PPIP5K2: variants seen among roughly 807,000 people sequenced by gnomAD.
PPIP5K2 encodes the protein inositol hexakisphosphate and diphosphoinositol-pentakisphosphate kinase 2.
Under a neutral mutation model 154.6 loss-of-function variants are expected in PPIP5K2, and 105 were observed. That is an observed-to-expected ratio of 0.68 (90% CI 0.58 to 0.80). The LOEUF (loss-of-function observed/expected upper bound fraction) is 0.80, where lower values mean the gene tolerates loss of function less well. PPIP5K2 is among the 30% of genes least tolerant of loss of function. The probability of loss-of-function intolerance (pLI) is 0.00; values close to 1 mark genes in which losing one functional copy is unlikely to be tolerated. For synonymous variants in PPIP5K2, 480 were observed against 490.3 expected, an observed-to-expected ratio of 0.98 and a Z score of 0.28; for missense variants, 992 against 1,504.6, an observed-to-expected ratio of 0.66 and a Z score of 5.64.
chr5:103,125,540 A>G (rs1554200456), intron 1 of PPIP5K2, among the ~76,000 whole-genome samples: 1 of 151,484 alleles, frequency 6.6e-6, no homozygotes, highest in African/African-American at 2.4e-5. Context: ...GGCTTCCTTC[A>G]CTTTATGTCC....
intron 1 of PPIP5K2, among the ~76,000 whole-genome samples, chr5:103,127,976 A>C (rs1162509905): frequency 6.6e-6 from 1 of 152,118 alleles, no homozygotes; most frequent in Non-Finnish European, 1.5e-5. Context: ...TTTACATGTT[A>C]AACAGTACAG....
intron 5 of PPIP5K2, among the ~76,000 whole-genome samples, chr5:103,144,289 C>CA (rs1444529202): frequency 6.6e-6 from 1 of 151,686 alleles, no homozygotes; most frequent in East Asian, 1.9e-4. Context: ...AGAGAACACA[C>CA]AAAAAAATGG....
At chr5:103,179,985 T>A in intron 23 of PPIP5K2, 36 bp from the exon 24 acceptor site, 1 of 1,480,978 alleles carries the variant, frequency 6.8e-7, no homozygotes, top group African/African-American at 1.4e-5. Context: ...TTCTTAAATC[T>A]GAATAGTAAA....
intron 9 of PPIP5K2, 137 bp from the exon 10 acceptor site, chr5:103,152,511 A>G: frequency 1.8e-6 from 1 of 560,960 alleles, no homozygotes. Flanking sequence ...CTTGATCAGA[A>G]TGGATTCTGT....
intron 14 of PPIP5K2, among the ~76,000 whole-genome samples, chr5:103,156,404 G>C (rs1373735030): frequency 2.6e-5 from 4 of 152,056 alleles, no homozygotes. Context: ...AAATAAATGG[G>C]TATTTTCTTC....
In PPIP5K2 at chr5:103,141,775, T is replaced by C. The variant is rs1230283503; in HGVS notation, c.487+3306T>C. On this transcript the variant is annotated intron_variant, in intron 5 of 30. Transcript: ENST00000358359. ...CCTTGAGCTAGATACAGAGTGCCGA[T>C]TGGAGTATTTACAATCCCTGAGCTA... is the stretch of plus-strand genomic sequence containing the variant. 2.6e-5 allele frequency among the ~76,000 whole-genome samples: 4 copies of C among 151,520 alleles called. No individual in the cohort carries two copies. The East Asian group carries it at 7.8e-4, about 29-fold the overall frequency.
rs1171978250 is a variant in PPIP5K2, at chr5:103,184,667, T to C, written c.3097-5T>C. 10 of 1,607,576 alleles carry C rather than the reference T, an allele frequency of 6.2e-6. No homozygotes were observed. The highest frequency in any genetic ancestry group is 1.7e-5 in the Admixed American group (1 of 59,952). On this transcript the variant is annotated splice_polypyrimidine_tract_variant and splice_region_variant and intron_variant, in intron 25 of 30. Coordinates refer to ENST00000358359, the MANE Select transcript of PPIP5K2 (RefSeq NM_001276277.3). The stretch of plus-strand genomic sequence containing the variant: ...TACTTCATTTATTTTGGATTCCTTA[T>C]GCAGGTTGTATCTGAAAATGCTAAT...
At chr5:103,184,476 T>A (rs1400340150) in intron 25 of PPIP5K2, 196 bp from the exon 26 acceptor site, 1 of 486,914 alleles carries the variant, frequency 2.1e-6, no homozygotes, top group African/African-American at 2.0e-5. Flanking sequence ...TTCGCACCAC[T>A]TCATTGCAAG....
chr5:103,150,843 C>CTTTTT (rs377739666), intron 8 of PPIP5K2, among the ~76,000 whole-genome samples: 936 of 67,948 alleles, frequency 0.014, no homozygotes, highest in Non-Finnish European at 0.019. Flanking sequence ...GTCCATCCTC[C>CTTTTT]TTTTTTTTTT....
intron 17 of PPIP5K2, among the ~76,000 whole-genome samples, chr5:103,160,270 T>G (rs1796019367): frequency 6.6e-6 from 1 of 152,208 alleles, no homozygotes; most frequent in South Asian, 2.1e-4. Flanking sequence ...TCATTTCCTT[T>G]AGCTGTATAC....
At chr5:103,151,191 A>G (rs1156806677) in intron 8 of PPIP5K2, 62 bp from the exon 9 acceptor site, 60 of 1,414,340 alleles carry the variant, frequency 4.2e-5, no homozygotes, top group Non-Finnish European at 5.7e-5. Flanking sequence ...TGATAGGACT[A>G]GAAAACTGTG....
At position 103,206,878 on chromosome 5, in the gene PPIP5K2, C is replaced by T. The variant is rs1803544073; in HGVS notation, c.*5244C>T. ...AAAAGGTTCCTGCCATCTTATGGAC[C>T]TCAAGGACTGCGGACAGGGAGCAGG... On this transcript the variant is annotated 3_prime_UTR_variant, in exon 31 of 31. Transcript: ENST00000358359. 6.6e-6 allele frequency: 1 copy of T among 152,222 alleles called. No homozygotes were observed. The highest frequency in any genetic ancestry group is 1.5e-5 in the Non-Finnish European group (1 of 68,108). 9.4% of individuals were successfully genotyped at this position (152,222 alleles called of 1,614,324 possible).
At chr5:103,188,842 A>G (rs1800789725) in intron 28 of PPIP5K2, 1 of 213,210 alleles carries the variant, frequency 4.7e-6, no homozygotes, top group African/African-American at 2.3e-5. Context: ...GTAATTTTAT[A>G]TTCCTTTGGT....
At chr5:103,193,332 G>T (rs1469458022) in intron 29 of PPIP5K2, among the ~76,000 whole-genome samples, 4 of 151,928 alleles carry the variant, frequency 2.6e-5, no homozygotes, top group Non-Finnish European at 5.9e-5. Context: ...TTAGTTCCCT[G>T]AGTTATCAAG....
At chr5:103,161,214 G>GT (rs1428291042) in intron 17 of PPIP5K2, among the ~76,000 whole-genome samples, 10 of 151,182 alleles carry the variant, frequency 6.6e-5, no homozygotes, top group African/African-American at 2.4e-4. Context: ...GCGGTGTTTG[G>GT]TTTTTTGTCC....
chr5:103,152,613 T>C, intron 9 of PPIP5K2, 35 bp from the exon 10 acceptor site: 1 of 1,364,282 alleles, frequency 7.3e-7, no homozygotes, highest in South Asian at 1.2e-5. Flanking sequence ...TCTTAAAACG[T>C]ACTAATTTTA....
At chr5:103,196,028 A>G (rs1202305446) in intron 30 of PPIP5K2, among the ~76,000 whole-genome samples, 1 of 152,150 alleles carries the variant, frequency 6.6e-6, no homozygotes. Flanking sequence ...AATGATTGCA[A>G]TCTTGTATAT....
rs782226791 is a variant in PPIP5K2, at chr5:103,153,954, A to G, written c.1217+20A>G. The stretch of plus-strand genomic sequence containing the variant: ...TCAGAAGTATGTTTTCAGATGAATA[A>G]TTTAACATGCATGATACAATTTTAA... On this transcript the variant is annotated intron_variant, in intron 11 of 30. Coordinates refer to ENST00000358359, the MANE Select transcript of PPIP5K2 (RefSeq NM_001276277.3). 1 of 1,513,356 alleles carries G rather than the reference A, an allele frequency of 6.6e-7. No homozygotes were observed. The highest frequency in any genetic ancestry group is 9.1e-7 in the Non-Finnish European group (1 of 1,101,810). The allele number at this position is 1,513,356 out of a possible 1,614,324, so 93.7% of individuals were successfully genotyped here. A position where few individuals can be genotyped will look rare whatever the true frequency, so the allele number is the denominator to read the frequency against.
chr5:103,189,251 T>C (rs1554226137), intron 28 of PPIP5K2: 1 of 1,485,798 alleles, frequency 6.7e-7, no homozygotes, highest in Non-Finnish European at 9.1e-7. Context: ...CTTCTAAACA[T>C]GTCAGCAGGG....
Sources: allele counts gnomAD v4.1 joint callset (sites outside exome capture counted in the v4.1 genomes callset), GRCh38; gene constraint gnomAD v4.1.1; transcripts MANE v1.5; gene names NCBI Gene and HGNC (gene_info 2026-07-23, HGNC 2026-07-21).